The following OLFML2A variants were observed in gnomAD, a reference collection of about 807,000 sequenced individuals.
OLFML2A encodes the protein olfactomedin like 2A.
In OLFML2A, 47 loss-of-function variants were observed where a neutral mutation model predicts 60.9. The ratio of observed to expected loss-of-function variants is 0.77; its 90% CI spans 0.61 to 0.98. The LOEUF (loss-of-function observed/expected upper bound fraction) is 0.98, where lower values mean the gene tolerates loss of function less well. Ranked by LOEUF, OLFML2A falls within the 50% of genes least tolerant of loss-of-function variation. The pLI is 0.00. For missense variants in OLFML2A, 922 were observed against 879.8 expected (o/e 1.05, Z -0.61); for synonymous variants, 372 against 375.0 (o/e 0.99, Z 0.09).
rs140626253 is a variant in OLFML2A at position 124,810,032 on chromosome 9, G to C, written c.1579G>C (p.Glu527Gln). The change falls in exon 8 of 8, where the codon GAG becomes CAG. Residue 527 changes from glutamate to glutamine, a missense_variant. Glu to Gln is a conservative substitution (Grantham distance 29, BLOSUM62 2). Transcript: ENST00000373580. ...CTCGGACATTGACTTTGCCGTGGAC[G>C]AGAGCGGCCTGTGGGTCATCTACCC... is the stretch of plus-strand genomic sequence containing the variant. ...GHSDIDFAVD[E>Q]SGLWVIYPAV... 1 of 1,614,070 alleles carries C rather than the reference G, an allele frequency of 6.2e-7. No homozygotes were observed. The highest frequency in any genetic ancestry group is 8.5e-7 in the Non-Finnish European group (1 of 1,180,034).
chr9:124,795,170 G>A, intron 3 of OLFML2A, 39 bp downstream of exon 3: 1 of 1,285,812 alleles, frequency 7.8e-7, no homozygotes, highest in Non-Finnish European at 1.1e-6. Context: ...GGCTGCTCTG[G>A]TGCTGGGGGC....
chr9:124,798,749 GAA>G (rs1472513902), intron 3 of OLFML2A, among the ~76,000 whole-genome samples: 6 of 149,632 alleles, frequency 4.0e-5, no homozygotes, highest in African/African-American at 1.2e-4. Context: ...AAGAAAGAAA[GAA>G]AAAGAAAAAG....
Position 124,803,350 on chromosome 9 carries a change from C to A in OLFML2A, c.920-744C>A, listed in dbSNP as rs150206816. Among the ~76,000 whole-genome samples the A allele has an allele frequency of 0.011, 1,711 of 152,214 alleles. 76 individuals carry two copies. In the East Asian group the frequency reaches 0.16, roughly 14 times the overall value. On this transcript the variant is annotated intron_variant, in intron 5 of 7. Coordinates refer to ENST00000373580, the MANE Select transcript of OLFML2A (RefSeq NM_182487.4). ...CGATCATGGCTCACTGCAGCCTTGA[C>A]CTCCTGGGCTCAAGTGATCTTCCCT...
intron 5 of OLFML2A, 70 bp downstream of exon 5, chr9:124,801,733 T>G: frequency 6.6e-7 from 1 of 1,505,590 alleles, no homozygotes. Context: ...CCTCATCTTC[T>G]CTGCAGTGGG....
intron 2 of OLFML2A, among the ~76,000 whole-genome samples, chr9:124,788,684 A>G (rs1235404071): frequency 6.6e-6 from 1 of 152,122 alleles, no homozygotes; most frequent in Non-Finnish European, 1.5e-5. Context: ...TCTGGGCAAC[A>G]CAGCCCCAGA....
intron 1 of OLFML2A, among the ~76,000 whole-genome samples, chr9:124,781,251 C>G (rs1841356807): frequency 6.6e-6 from 1 of 152,064 alleles, no homozygotes; most frequent in Non-Finnish European, 1.5e-5. Flanking sequence ...GATGAAGGGT[C>G]AGAAGAACAC....
intron 6 of OLFML2A, among the ~76,000 whole-genome samples, chr9:124,805,517 T>C (rs1841874848): frequency 6.6e-6 from 1 of 152,100 alleles, no homozygotes; most frequent in Non-Finnish European, 1.5e-5. Flanking sequence ...CATAAAACTG[T>C]ATACTCACAG....
chr9:124,804,286 C>G lies in OLFML2A; in HGVS notation c.1112C>G (p.Pro371Arg). The G allele has an allele frequency of 6.4e-7, 1 of 1,570,690 alleles. No individual in the cohort carries two copies. The highest frequency in any genetic ancestry group is 8.6e-7 in the Non-Finnish European group (1 of 1,159,400). ...ACCACCGCCACCACCACCCCAACCC[C>G]CACCACCAGTCTCCTGCCCACCGAG... ...TTTTATTTPTPTTSLLPTEPP... is the reference protein window; with the variant it reads ...TTTTATTTPTRTTSLLPTEPP... Residue 371 changes from proline (P) to arginine (R), a missense_variant, in exon 6 of 8, where the codon CCC (proline) becomes CGC (arginine). By Grantham distance (103) the Pro-to-Arg change is moderately radical. Transcript: ENST00000373580.
intron 4 of OLFML2A, among the ~76,000 whole-genome samples, chr9:124,800,424 G>T (rs1288682253): frequency 1.3e-5 from 2 of 152,226 alleles, no homozygotes; most frequent in African/African-American, 4.8e-5. Context: ...GAGGAGGGGC[G>T]ACCCCTGCCC....
chr9:124,779,688 C>A lies in OLFML2A; in HGVS notation c.90+2328C>A, dbSNP rs144742031. Among the ~76,000 whole-genome samples the A allele has an allele frequency of 3.6e-3, 549 of 152,174 alleles. 6 individuals carry two copies. Among genetic ancestry groups the A allele is most frequent in the African/African-American group, 0.013 (525 of 41,508 alleles). On this transcript the variant is annotated intron_variant, in intron 1 of 7. Coordinates refer to ENST00000373580, the MANE Select transcript of OLFML2A (RefSeq NM_182487.4). The surrounding 1 kb of genome is among the most constrained non-coding windows in gnomAD (Gnocchi z 4.1). ...CCTCCCACCCCCAAACCACTTCAGC[C>A]AGCTGGGAAAAATAAAAATCAAGTG...
At chr9:124,809,462 A>C (rs1841959130) in intron 7 of OLFML2A, among the ~76,000 whole-genome samples, 1 of 152,058 alleles carries the variant, frequency 6.6e-6, no homozygotes, top group South Asian at 2.1e-4. Context: ...TTCCCCAAGC[A>C]GATGGCCTGG....
Position 124,810,331 on chromosome 9 carries a change from C to G in OLFML2A, c.1878C>G (p.Ile626Met). ...FLNEHAYTTQ[I>M]DYNPKERVLY... ...ACGAGCACGCCTACACCACCCAGAT[C>G]GACTACAACCCCAAGGAGCGGGTGC... Residue 626 changes from isoleucine (I) to methionine (M), a missense_variant, in exon 8 of 8, where the codon ATC becomes ATG. Transcript: ENST00000373580. 3 of 1,605,946 alleles carry G rather than the reference C, an allele frequency of 1.9e-6. No homozygotes were observed. The highest frequency in any genetic ancestry group is 2.5e-6 in the Non-Finnish European group (3 of 1,179,964).
At chr9:124,796,470 G>A (rs922747312) in intron 3 of OLFML2A, among the ~76,000 whole-genome samples, 5 of 152,236 alleles carry the variant, frequency 3.3e-5, no homozygotes, top group African/African-American at 1.2e-4. Context: ...GAACCAACCA[G>A]AGATGGTTTC....
At position 124,798,694 on chromosome 9, in the gene OLFML2A, G is replaced by A. The variant is rs540779517; in HGVS notation, c.463-591G>A. ...ATTAAAAACACAAAAAATTAGCCGG[G>A]CATGTGGTGGGTGCCTGTAGTCCCA... On this transcript the variant is annotated intron_variant, in intron 3 of 7. Transcript: ENST00000373580. Among the ~76,000 whole-genome samples, 747 of 148,074 alleles carry A rather than the reference G, an allele frequency of 5.0e-3. 3 individuals carry two copies. Among genetic ancestry groups the A allele is most frequent in the South Asian group, 9.4e-3 (44 of 4,686 alleles).
At chr9:124,780,482 G>A (rs1365905758) in intron 1 of OLFML2A, among the ~76,000 whole-genome samples, 1 of 152,216 alleles carries the variant, frequency 6.6e-6, no homozygotes, top group African/African-American at 2.4e-5. Flanking sequence ...GGTGTCCGGG[G>A]CTGGATCAGA....
At chr9:124,789,614 C>T (rs1208046642) in intron 2 of OLFML2A, among the ~76,000 whole-genome samples, 2 of 152,234 alleles carry the variant, frequency 1.3e-5, no homozygotes, top group East Asian at 3.8e-4. Flanking sequence ...GGGCTGTTCA[C>T]TCTACAGCTA....
At chr9:124,802,345 G>T (rs1210193125) in intron 5 of OLFML2A, among the ~76,000 whole-genome samples, 4 of 152,214 alleles carry the variant, frequency 2.6e-5, no homozygotes, top group African/African-American at 7.2e-5. Flanking sequence ...TCCCAGAGGG[G>T]TGTCCCAAAC....
chr9:124,791,155 C>T (rs1170535652), intron 2 of OLFML2A, among the ~76,000 whole-genome samples: 2 of 152,188 alleles, frequency 1.3e-5, no homozygotes, highest in Non-Finnish European at 2.9e-5. Context: ...AGGGACATCC[C>T]AGGGACTGTG....
intron 3 of OLFML2A, among the ~76,000 whole-genome samples, chr9:124,795,831 C>T (rs1427352823): frequency 6.6e-6 from 1 of 152,304 alleles, no homozygotes; most frequent in South Asian, 2.1e-4. Flanking sequence ...CAGGACTGAC[C>T]GAGCCCACTG....
Sources: gnomAD v4.1 joint callset for allele counts (sites outside exome capture counted in the v4.1 genomes callset) on GRCh38, gnomAD v4.1.1 for gene constraint, Gnocchi (gnomAD v3.1) non-coding constraint, MANE v1.5 for transcripts, NCBI Gene and HGNC (gene_info 2026-07-23, HGNC 2026-07-21) for gene names.